DCLK1: variants seen among roughly 807,000 people sequenced by gnomAD.
The protein encoded by DCLK1 is doublecortin like kinase 1, also known as serine/threonine-protein kinase DCLK1.
In DCLK1, 16 loss-of-function variants were observed where a neutral mutation model predicts 86.2. The ratio of observed to expected loss-of-function variants is 0.19; its 90% CI spans 0.13 to 0.28. The LOEUF is 0.28. Among genes scored for constraint, DCLK1 ranks in the 10% least tolerant of loss-of-function variants. DCLK1 has a pLI of 1.00. For synonymous variants in DCLK1, 369 were observed against 370.5 expected (o/e 1.00, Z 0.05); for missense variants, 590 against 940.2 (o/e 0.63, Z 4.87).
At chr13:36,054,328 T>C (rs568471189) in intron 3 of DCLK1, among the ~76,000 whole-genome samples, 5 of 152,330 alleles carry the variant, frequency 3.3e-5, no homozygotes, top group Admixed American at 3.3e-4. Flanking sequence ...GGAGCTCATG[T>C]TGCCTGCTGT....
chr13:35,887,296 T>G (rs1448044702), intron 4 of DCLK1, among the ~76,000 whole-genome samples: 1 of 152,184 alleles, frequency 6.6e-6, no homozygotes, highest in Non-Finnish European at 1.5e-5. Context: ...ATGGACACTC[T>G]TGGTGAACAT....
chr13:35,890,890 T>TC (rs1873603094), intron 4 of DCLK1, among the ~76,000 whole-genome samples: 1 of 151,534 alleles, frequency 6.6e-6, no homozygotes, highest in Admixed American at 6.6e-5. Flanking sequence ...GTTTTTTTTT[T>TC]CACCTTTATT....
chr13:36,045,771 T>C (rs1882890376), intron 3 of DCLK1, among the ~76,000 whole-genome samples: 1 of 151,766 alleles, frequency 6.6e-6, no homozygotes, highest in Non-Finnish European at 1.5e-5. Context: ...GGGGATTGCT[T>C]GAACCTGGGA....
At position 35,997,519 on chromosome 13, in the gene DCLK1, A is replaced by G. The variant is rs532061576; in HGVS notation, c.724-50062T>C. 5.3e-5 allele frequency among the ~76,000 whole-genome samples: 8 copies of G among 152,350 alleles called. No individual in the cohort carries two copies. The East Asian group carries it at 1.5e-3, about 29-fold the overall frequency. On this transcript the variant is annotated intron_variant, in intron 3 of 16. Transcript: ENST00000360631. ...ACAATGGAAAACAGTTAAACAGCCA[A>G]TCACATGTTTACATCTATCAATAGT...
At position 36,126,040 on chromosome 13, in the gene DCLK1, G is replaced by A; in HGVS notation, c.98C>T (p.Pro33Leu). 1.2e-6 allele frequency: 2 copies of A among 1,613,674 alleles called. No individual in the cohort carries two copies. The highest frequency in any genetic ancestry group is 1.7e-6 in the Non-Finnish European group (2 of 1,180,000). ...GAAGCTGCAGTGGGCGCTGTGCGTCGGGCTCGGCAGGCCGTTCACCCGCGA... is the reference window on the plus strand; with the variant it reads ...GAAGCTGCAGTGGGCGCTGTGCGTCAGGCTCGGCAGGCCGTTCACCCGCGA... ...RGSRVNGLPS[P>L]THSAHCSFYR... is the part of the protein sequence containing the mutation. The change falls in exon 2 of 17, where the codon CCG becomes CTG. Residue 33 changes from proline to leucine, a missense_variant. Around this residue, in one of 6 missense-constraint regions of DCLK1, gnomAD observed 50 missense variants for 47.8 expected, o/e 1.05. Coordinates refer to ENST00000360631, the MANE Select transcript of DCLK1 (RefSeq NM_001330071.2).
chr13:35,993,792 G>A (rs1469609775), intron 3 of DCLK1, among the ~76,000 whole-genome samples: 1 of 151,442 alleles, frequency 6.6e-6, no homozygotes, highest in Non-Finnish European at 1.5e-5. Context: ...CTATCATATG[G>A]TGCTTCAGAG....
chr13:36,118,344 A>G (rs886148030), intron 2 of DCLK1, among the ~76,000 whole-genome samples: 4 of 152,156 alleles, frequency 2.6e-5, no homozygotes, highest in Non-Finnish European at 5.9e-5. Context: ...GGATGTTACG[A>G]GGAGTACTTA....
chr13:36,002,736 T>C (rs1880775285), intron 3 of DCLK1, among the ~76,000 whole-genome samples: 1 of 152,222 alleles, frequency 6.6e-6, no homozygotes, highest in Admixed American at 6.5e-5. Flanking sequence ...CATGTTCTTT[T>C]AGGTTGTTGC....
rs1868601135 is a variant in DCLK1 at position 35,827,769 on chromosome 13, A to G, written c.1288-15T>C. 1 of 1,612,882 alleles carries G rather than the reference A, an allele frequency of 6.2e-7. No homozygotes were observed. The highest frequency in any genetic ancestry group is 8.5e-7 in the Non-Finnish European group (1 of 1,179,898). ...ATCATGTGCTCCTGTCCAAAGGAAA[A>G]GTTATCTTCATCAGCTTCCATAAAA... On this transcript the variant is annotated splice_polypyrimidine_tract_variant and intron_variant, in intron 9 of 16. Coordinates refer to ENST00000360631, the MANE Select transcript of DCLK1 (RefSeq NM_001330071.2).
chr13:35,777,651 A>G (rs776090823), intron 16 of DCLK1, among the ~76,000 whole-genome samples: 1 of 152,274 alleles, frequency 6.6e-6, no homozygotes, highest in African/African-American at 2.4e-5. Flanking sequence ...CCGTGTACAC[A>G]TTCTGAATTT....
chr13:36,056,653 C>A (rs1317141444), intron 3 of DCLK1, among the ~76,000 whole-genome samples: 5 of 113,328 alleles, frequency 4.4e-5, no homozygotes, highest in African/African-American at 1.3e-4. Context: ...AATTCCAGAG[C>A]ACACAAAAAA....
At chr13:36,015,184 A>G (rs868468550) in intron 3 of DCLK1, among the ~76,000 whole-genome samples, 26 of 152,188 alleles carry the variant, frequency 1.7e-4, no homozygotes, top group Non-Finnish European at 7.3e-5. Context: ...ACATCCTCCA[A>G]ATTTCTTCAG....
At chr13:35,841,344 T>C (rs1356925193) in intron 6 of DCLK1, among the ~76,000 whole-genome samples, 3 of 152,168 alleles carry the variant, frequency 2.0e-5, no homozygotes, top group Admixed American at 1.3e-4. Context: ...CATGAAAACA[T>C]CTTTTAAACT....
intron 3 of DCLK1, among the ~76,000 whole-genome samples, chr13:35,977,492 G>A (rs1231474555): frequency 6.6e-6 from 1 of 152,142 alleles, no homozygotes; most frequent in African/African-American, 2.4e-5. Context: ...TAAGCACATG[G>A]TTCTCCATTG....
intron 3 of DCLK1, among the ~76,000 whole-genome samples, chr13:36,030,950 T>C (rs923136900): frequency 1.3e-5 from 2 of 152,080 alleles, no homozygotes; most frequent in African/African-American, 4.8e-5. Flanking sequence ...ATTGTTCCCT[T>C]AGCAACTCGA....
At chr13:35,890,300 G>C (rs561182132) in intron 4 of DCLK1, among the ~76,000 whole-genome samples, 2 of 152,084 alleles carry the variant, frequency 1.3e-5, no homozygotes, top group African/African-American at 4.8e-5. Context: ...ATGTATATGT[G>C]TGTATGTGTT....
At chr13:35,953,435 T>C (rs1055081043) in intron 3 of DCLK1, among the ~76,000 whole-genome samples, 3 of 152,286 alleles carry the variant, frequency 2.0e-5, no homozygotes, top group Non-Finnish European at 2.9e-5. Flanking sequence ...AAAAACGGTG[T>C]CTAATAAACC....
chr13:36,062,467 C>G (rs1883586428), intron 3 of DCLK1, among the ~76,000 whole-genome samples: 1 of 152,144 alleles, frequency 6.6e-6, no homozygotes, highest in South Asian at 2.1e-4. Context: ...TTACCCTAGA[C>G]AGAAAGGCAC....
chr13:35,962,271 C>T (rs1419122174), intron 3 of DCLK1, among the ~76,000 whole-genome samples: 1 of 152,054 alleles, frequency 6.6e-6, no homozygotes, highest in Admixed American at 6.6e-5. Flanking sequence ...TGAGGTCATC[C>T]TGGAGTTGAG....
Sources: allele counts gnomAD v4.1 joint callset (sites outside exome capture counted in the v4.1 genomes callset), GRCh38; gene constraint gnomAD v4.1.1; regional missense constraint gnomAD v4.1.1; transcripts MANE v1.5; gene names NCBI Gene and HGNC (gene_info 2026-07-23, HGNC 2026-07-21).